Variants in AKR1C8 observed in about 807,000 individuals in gnomAD.
AKR1C8 encodes the protein aldo-keto reductase family 1 member C-like protein 1.
chr10:5,178,152 T>C, the AKR1C8 span, among the ~76,000 whole-genome samples: 1 of 152,210 alleles, frequency 6.6e-6, no homozygotes, highest in Non-Finnish European at 1.5e-5. Flanking sequence ...CTGCTTTGAA[T>C]GTGTCCCAGA....
At chr10:5,116,084 T>C in the AKR1C8 span, among the ~76,000 whole-genome samples, 2 of 152,244 alleles carry the variant, frequency 1.3e-5, no homozygotes, top group East Asian at 3.9e-4. Flanking sequence ...ATTGGGCTGT[T>C]GTAGTTTCCC....
the AKR1C8 span, among the ~76,000 whole-genome samples, chr10:5,140,958 T>TTATCAA: frequency 2.6e-5 from 4 of 152,220 alleles, no homozygotes; most frequent in East Asian, 7.7e-4. Flanking sequence ...ACAATGAAAT[T>TTATCAA]TGCCTCATTG....
At chr10:5,174,941 A>G in the AKR1C8 span, among the ~76,000 whole-genome samples, 183 of 152,158 alleles carry the variant, frequency 1.2e-3, 1 homozygote, top group African/African-American at 4.3e-3. Context: ...CATAAATCGA[A>G]CATTGAAATA....
At chr10:5,163,788 T>G in the AKR1C8 span, among the ~76,000 whole-genome samples, 13 of 152,122 alleles carry the variant, frequency 8.5e-5, no homozygotes, top group Non-Finnish European at 1.6e-4. Context: ...CCTTTATGCC[T>G]AAGACATACC....
At chr10:5,172,160 T>C in the AKR1C8 span, among the ~76,000 whole-genome samples, 6 of 152,248 alleles carry the variant, frequency 3.9e-5, no homozygotes, top group South Asian at 1.2e-3. Context: ...CTAACAGTTA[T>C]AGTGGCATTT....
the AKR1C8 span, among the ~76,000 whole-genome samples, chr10:5,148,362 T>C: frequency 1.3e-5 from 2 of 152,130 alleles, no homozygotes; most frequent in African/African-American, 2.4e-5. Flanking sequence ...TAATTGATCT[T>C]ATTGTAAACC....
the AKR1C8 span, among the ~76,000 whole-genome samples, chr10:5,116,935 G>A: frequency 2.0e-5 from 3 of 152,280 alleles, no homozygotes; most frequent in East Asian, 5.8e-4. Flanking sequence ...TCCCACACTT[G>A]TTGGCCGAAG....
At chr10:5,144,036 T>C in the AKR1C8 span, among the ~76,000 whole-genome samples, 1 of 152,148 alleles carries the variant, frequency 6.6e-6, no homozygotes, top group South Asian at 2.1e-4. Context: ...GGTAACTCTA[T>C]ATATGATACT....
chr10:5,160,139 G>C, the AKR1C8 span: 1 of 260,816 alleles, frequency 3.8e-6, no homozygotes, highest in African/African-American at 2.3e-5. Context: ...TTTATCACTT[G>C]AATATACAAT....
At chr10:5,142,082 T>C in the AKR1C8 span, among the ~76,000 whole-genome samples, 8 of 152,248 alleles carry the variant, frequency 5.3e-5, no homozygotes, top group South Asian at 1.5e-3. Context: ...CTGCAGATTC[T>C]CCATCAGTAC....
the AKR1C8 span, among the ~76,000 whole-genome samples, chr10:5,184,839 A>C: frequency 1.3e-4 from 20 of 152,348 alleles, no homozygotes; most frequent in Non-Finnish European, 2.9e-4. Context: ...ATGCCACTTA[A>C]AGCAAAAAAG....
At chr10:5,165,891 C>T in the AKR1C8 span, among the ~76,000 whole-genome samples, 4,775 of 152,116 alleles carry the variant, frequency 0.031, 251 homozygotes, top group African/African-American at 0.11. Context: ...TAGTACCTCA[C>T]ACAGGTGAAC....
chr10:5,182,695 A>G, the AKR1C8 span, among the ~76,000 whole-genome samples: 1 of 152,120 alleles, frequency 6.6e-6, no homozygotes, highest in Non-Finnish European at 1.5e-5. Flanking sequence ...AGATTGCCTG[A>G]GCTCAGGAGT....
chr10:5,139,563 T>G, the AKR1C8 span, among the ~76,000 whole-genome samples: 1 of 152,184 alleles, frequency 6.6e-6, no homozygotes, highest in African/African-American at 2.4e-5. Context: ...GGATTCCCTA[T>G]TTAATAAATG....
chr10:5,157,761 G>C, the AKR1C8 span: 1 of 471,900 alleles, frequency 2.1e-6, no homozygotes, highest in Non-Finnish European at 4.4e-6. Flanking sequence ...TGGATTTCAA[G>C]ATCGGCTCCT....
chr10:5,173,073 T>C, the AKR1C8 span, among the ~76,000 whole-genome samples: 1 of 152,114 alleles, frequency 6.6e-6, no homozygotes, highest in Admixed American at 6.6e-5. Context: ...AGAGAGAATT[T>C]TTCCAAAATG....
At chr10:5,177,787 C>G in the AKR1C8 span, among the ~76,000 whole-genome samples, 119,413 of 151,996 alleles carry the variant, frequency 0.79, 47,051 homozygotes, top group African/African-American at 0.83. Flanking sequence ...GTAGTATTCT[C>G]TGATGGTAGT....
the AKR1C8 span, chr10:5,157,688 C>T: frequency 2.1e-6 from 1 of 472,918 alleles, no homozygotes; most frequent in Non-Finnish European, 4.4e-6. Flanking sequence ...AGCACCACCA[C>T]TCCCCGCTGC....
chr10:5,150,568 T>C, the AKR1C8 span, among the ~76,000 whole-genome samples: 1 of 152,112 alleles, frequency 6.6e-6, no homozygotes, highest in Admixed American at 6.6e-5. Flanking sequence ...TTTTGGACTT[T>C]AGGAGCCCTA....
Sources: allele counts gnomAD v4.1 joint callset (sites outside exome capture counted in the v4.1 genomes callset), GRCh38; gene constraint gnomAD v4.1.1; transcripts MANE v1.5; gene names NCBI Gene and HGNC (gene_info 2026-07-23, HGNC 2026-07-21).